The following GLI3 variants were observed in gnomAD, a reference collection of about 807,000 sequenced individuals.
GLI3 encodes the protein transcription activator GLI3.
A neutral mutation model predicts 100.8 loss-of-function variants in GLI3; 20 were observed. That is an observed-to-expected ratio of 0.20 (90% CI 0.14 to 0.29). The LOEUF (loss-of-function observed/expected upper bound fraction) is 0.29. GLI3 is among the 10% of genes least tolerant of loss of function. The pLI is 1.00. For synonymous variants in GLI3, 938 were observed against 860.5 expected, an observed-to-expected ratio of 1.09 and a Z score of -1.58; for missense variants, 2,040 against 2,128.5, an observed-to-expected ratio of 0.96 and a Z score of 0.82.
intron 2 of GLI3, chr7:42,172,460 T>C: frequency 1.6e-6 from 1 of 643,836 alleles, no homozygotes; most frequent in Non-Finnish European, 2.8e-6. Flanking sequence ...GATAAACTTT[T>C]TTACACTAAA....
intron 13 of GLI3, among the ~76,000 whole-genome samples, chr7:41,968,763 G>GAAAGAAAGAA (rs1491137662): frequency 7.1e-5 from 4 of 56,690 alleles, no homozygotes; most frequent in African/African-American, 3.3e-4. Flanking sequence ...AAAGAAAGAA[G>GAAAGAAAGAA]GAAAGAAAGA....
chr7:42,134,670 C>T (rs1786383385), intron 3 of GLI3, among the ~76,000 whole-genome samples: 1 of 152,070 alleles, frequency 6.6e-6, no homozygotes, highest in African/African-American at 2.4e-5. Flanking sequence ...CAGAATATGA[C>T]AGCACGTGCC....
At chr7:42,096,044 G>T (rs17172009) in intron 3 of GLI3, among the ~76,000 whole-genome samples, 1,742 of 152,284 alleles carry the variant, frequency 0.011, 13 homozygotes, top group Non-Finnish European at 0.018. Context: ...CAGGCAAGAT[G>T]CACAGCTTCC....
chr7:42,016,495 C>T (rs902814722), intron 10 of GLI3, among the ~76,000 whole-genome samples: 1 of 152,210 alleles, frequency 6.6e-6, no homozygotes, highest in African/African-American at 2.4e-5. Context: ...GAATCACTAA[C>T]ATTTTATTGA....
At chr7:42,046,877 C>T (rs752725071) in intron 5 of GLI3, among the ~76,000 whole-genome samples, 5 of 152,108 alleles carry the variant, frequency 3.3e-5, no homozygotes, top group Non-Finnish European at 7.4e-5. Context: ...GAATCTTGGC[C>T]AGGCACAGTG....
chr7:42,130,535 T>C (rs1317429621), intron 3 of GLI3, among the ~76,000 whole-genome samples: 1 of 152,146 alleles, frequency 6.6e-6, no homozygotes, highest in Non-Finnish European at 1.5e-5. Context: ...TTAAAAATAA[T>C]GTGGAGCAAT....
At chr7:42,154,171 G>A (rs569294636) in intron 2 of GLI3, among the ~76,000 whole-genome samples, 6 of 151,998 alleles carry the variant, frequency 3.9e-5, no homozygotes, top group Admixed American at 3.9e-4. Context: ...TTAAGTTTTT[G>A]ACAACATAAA....
Position 42,190,792 on chromosome 7 carries a change from A to C in GLI3, c.124+32338T>G, listed in dbSNP as rs374086534. The stretch of plus-strand genomic sequence containing the variant: ...GCAAAAATACTAAGATACTAAATAC[A>C]ATACTAGCATATCAAGTTATACCAA... On this transcript the variant is annotated intron_variant, in intron 2 of 14. Transcript: ENST00000395925. Among the ~76,000 whole-genome samples the C allele has an allele frequency of 4.6e-5, 7 of 152,332 alleles. No individual in the cohort carries two copies. The East Asian group carries it at 1.2e-3, about 25-fold the overall frequency.
intron 3 of GLI3, among the ~76,000 whole-genome samples, chr7:42,101,825 A>G (rs1785469378): frequency 9.4e-6 from 1 of 106,114 alleles, no homozygotes; most frequent in African/African-American, 5.7e-5. Flanking sequence ...TCCCAATGCT[A>G]TCCCTCCACC....
At chr7:42,060,079 CAG>C (rs1286509293) in intron 4 of GLI3, among the ~76,000 whole-genome samples, 1 of 152,236 alleles carries the variant, frequency 6.6e-6, no homozygotes, top group Non-Finnish European at 1.5e-5. Flanking sequence ...TAAGCCCAGA[CAG>C]AGAAGCGGCA....
chr7:42,056,918 G>A (rs1403208913), intron 4 of GLI3, among the ~76,000 whole-genome samples: 1 of 151,394 alleles, frequency 6.6e-6, no homozygotes, highest in Non-Finnish European at 1.5e-5. Context: ...GGAGGCGGAG[G>A]TTGTGGTGAG....
In GLI3 at chr7:41,991,014, C is replaced by G. The variant is rs116532057; in HGVS notation, c.1498-12266G>C. Reference sequence around the variant, plus strand: ...AATTATCCCTTTGGAAATCTGCCCACAGTCCCTGCTGAGCTGACGCATTCA... The same window carrying G: ...AATTATCCCTTTGGAAATCTGCCCAGAGTCCCTGCTGAGCTGACGCATTCA... On this transcript the variant is annotated intron_variant, in intron 10 of 14. Transcript: ENST00000395925. 2.9e-3 allele frequency among the ~76,000 whole-genome samples: 434 copies of G among 152,248 alleles called. 2 individuals carry two copies. Among genetic ancestry groups the G allele is most frequent in the African/African-American group, 0.01 (420 of 41,538 alleles).
At chr7:42,100,569 C>T (rs968862564) in intron 3 of GLI3, among the ~76,000 whole-genome samples, 44 of 145,584 alleles carry the variant, frequency 3.0e-4, no homozygotes, top group Non-Finnish European at 5.4e-4. Context: ...AACCCCGTCT[C>T]TACAAACATA....
chr7:42,047,778 G>A (rs1470027709), intron 5 of GLI3, among the ~76,000 whole-genome samples: 3 of 152,152 alleles, frequency 2.0e-5, no homozygotes, highest in African/African-American at 7.2e-5. Flanking sequence ...TCCTTTCCCA[G>A]TACATACTTC....
chr7:42,028,776 T>C (rs1246688088), intron 7 of GLI3, among the ~76,000 whole-genome samples: 1 of 145,540 alleles, frequency 6.9e-6, no homozygotes, highest in Non-Finnish European at 1.5e-5. Context: ...AAATAAATAA[T>C]AATAATAATA....
At chr7:41,981,680 G>A (rs1202555233) in intron 10 of GLI3, among the ~76,000 whole-genome samples, 1 of 152,206 alleles carries the variant, frequency 6.6e-6, no homozygotes, top group East Asian at 1.9e-4. Flanking sequence ...GTGCCTCGCT[G>A]CTGACAGGGA....
intron 2 of GLI3, among the ~76,000 whole-genome samples, chr7:42,202,783 A>G (rs1241826744): frequency 1.3e-5 from 2 of 152,166 alleles, no homozygotes; most frequent in Non-Finnish European, 2.9e-5. Flanking sequence ...GCTGCAGTGA[A>G]TGGACGGGGG....
At chr7:42,079,199 T>C (rs957394923) in intron 3 of GLI3, among the ~76,000 whole-genome samples, 1 of 152,230 alleles carries the variant, frequency 6.6e-6, no homozygotes, top group African/African-American at 2.4e-5. Flanking sequence ...TATTCAGCAA[T>C]GTTGGCACCT....
intron 2 of GLI3, among the ~76,000 whole-genome samples, chr7:42,206,922 A>T (rs1390207083): frequency 6.6e-6 from 1 of 152,236 alleles, no homozygotes; most frequent in Non-Finnish European, 1.5e-5. Context: ...AGAAAAGAAG[A>T]TATCCAAACG....
Sources: gnomAD v4.1 joint callset for allele counts (sites outside exome capture counted in the v4.1 genomes callset) on GRCh38, gnomAD v4.1.1 for gene constraint, MANE v1.5 for transcripts, NCBI Gene and HGNC (gene_info 2026-07-23, HGNC 2026-07-21) for gene names.